Variants in DLC1 observed in about 807,000 individuals in gnomAD.
DLC1 encodes the protein rho GTPase-activating protein 7.
A neutral mutation model predicts 140.3 loss-of-function variants in DLC1; 54 were observed. The ratio of observed to expected loss-of-function variants is 0.38; its 90% CI spans 0.31 to 0.48. The LOEUF is 0.48. Among genes scored for constraint, DLC1 ranks in the 20% least tolerant of loss-of-function variants. The pLI is 0.96. For synonymous variants in DLC1, 986 were observed against 728.1 expected (o/e 1.35, Z -5.70); for missense variants, 2,536 against 1,907.0 (o/e 1.33, Z -6.14).
chr8:13,591,448 C>G (rs1007003728), intron 1 of DLC1, among the ~76,000 whole-genome samples: 12 of 152,082 alleles, frequency 7.9e-5, no homozygotes, highest in African/African-American at 2.7e-4. Flanking sequence ...CTCTCTCCTG[C>G]CACCTTGTGA....
intron 5 of DLC1, among the ~76,000 whole-genome samples, chr8:13,207,598 G>A (rs1827733036): frequency 6.6e-6 from 1 of 151,836 alleles, no homozygotes; most frequent in Non-Finnish European, 1.5e-5. Context: ...CTTAAAAATA[G>A]ACATTTTTTC....
chr8:13,366,107 T>C (rs1398583098), intron 4 of DLC1, among the ~76,000 whole-genome samples: 2 of 152,222 alleles, frequency 1.3e-5, no homozygotes, highest in Non-Finnish European at 2.9e-5. Context: ...CACAGAATTA[T>C]AGACTCGAAG....
intron 12 of DLC1, 144 bp downstream of exon 12, chr8:13,094,615 G>A (rs1029843666): frequency 1.8e-5 from 17 of 964,172 alleles, no homozygotes; most frequent in Middle Eastern, 4.5e-4. Flanking sequence ...GCAGTGAGCC[G>A]AGGTCACGCC....
intron 5 of DLC1, among the ~76,000 whole-genome samples, chr8:13,155,121 A>C (rs1585790647): frequency 1.4e-5 from 2 of 138,008 alleles, no homozygotes; most frequent in East Asian, 4.4e-4. Context: ...AACTTTCTAC[A>C]ACTTGCGCTG....
chr8:13,279,783 A>G (rs536524985), intron 5 of DLC1, among the ~76,000 whole-genome samples: 12 of 152,320 alleles, frequency 7.9e-5, no homozygotes, highest in African/African-American at 2.9e-4. Context: ...AATGATAGAC[A>G]CAGAAAAGGT....
chr8:13,429,924 C>A (rs1838779817), intron 2 of DLC1, among the ~76,000 whole-genome samples: 1 of 152,126 alleles, frequency 6.6e-6, no homozygotes, highest in African/African-American at 2.4e-5. Context: ...TTAAGTTATT[C>A]ATATCATATT....
chr8:13,568,035 T>C lies in DLC1; in HGVS notation c.-126+36502A>G, dbSNP rs1392470821. On this transcript the variant is annotated intron_variant, in intron 1 of 1. Transcript: ENST00000631382. ...GGGAAACTAACTTAAGACTTTACTA[T>C]GCTTCCTTCACAGATTTGAGGACTA... is the stretch of plus-strand genomic sequence containing the variant. 2.2e-6 allele frequency: 3 copies of C among 1,371,050 alleles called. No individual in the cohort carries two copies. The African/African-American group carries it at 4.4e-5, about 20-fold the overall frequency. The allele number at this position is 1,371,050 out of a possible 1,614,324, so 84.9% of individuals were successfully genotyped here.
intron 1 of DLC1, among the ~76,000 whole-genome samples, chr8:13,527,893 C>T (rs372678277): frequency 5.1e-4 from 77 of 152,222 alleles, no homozygotes; most frequent in Middle Eastern, 3.4e-3. Flanking sequence ...GGTCTCCTTG[C>T]TTTTGCCACT....
Position 13,100,756 on chromosome 8 carries a change from G to A in DLC1, c.1581C>T (p.Asp527=), listed in dbSNP as rs1819006458. ...CACTGATGGCACAAGGCTCATCCTC[G>A]TCTGAATCGTCACTCTGCAAAGACA... is the stretch of plus-strand genomic sequence containing the variant. The part of the protein sequence containing the change: ...SPHRKRSDDS[D]EDEPCAISGK... The change falls in exon 9 of 18, where the codon GAC becomes GAT. Residue 527 remains aspartate (D), a synonymous_variant. Coordinates refer to ENST00000276297, the MANE Select transcript of DLC1 (RefSeq NM_182643.3). 5.7e-6 allele frequency: 9 copies of A among 1,565,596 alleles called. No individual in the cohort carries two copies. Among genetic ancestry groups the A allele is most frequent in the Non-Finnish European group, 7.8e-6 (9 of 1,157,562 alleles).
chr8:13,204,339 T>C (rs1368192673), intron 5 of DLC1, among the ~76,000 whole-genome samples: 1 of 152,174 alleles, frequency 6.6e-6, no homozygotes, highest in Non-Finnish European at 1.5e-5. Context: ...ACAATGCTCA[T>C]TCACTTTCTG....
chr8:13,265,583 T>A (rs1563209192), intron 5 of DLC1, among the ~76,000 whole-genome samples: 1 of 152,128 alleles, frequency 6.6e-6, no homozygotes. Context: ...TTTTGATCCA[T>A]TTGTCATAGT....
rs1033523783 is a variant in DLC1, at chr8:13,312,347, C to T, written c.1315-7045G>A. On this transcript the variant is annotated intron_variant, in intron 4 of 17. Transcript: ENST00000276297. ...CTGCACTCCAGCCTGGGCGACAGAGCGAGACTCCGTCTCAAAAAAAAAAAA... is the reference window on the plus strand; with the variant it reads ...CTGCACTCCAGCCTGGGCGACAGAGTGAGACTCCGTCTCAAAAAAAAAAAA... Among the ~76,000 whole-genome samples the T allele has an allele frequency of 1.4e-4, 8 of 58,548 alleles. No homozygotes were observed. In the East Asian group the frequency reaches 4.6e-3, roughly 34 times the overall value. 38.4% of individuals were successfully genotyped at this position (58,548 alleles called of 152,430 possible). A position where few individuals can be genotyped will look rare whatever the true frequency, so the allele number is the denominator to read the frequency against.
chr8:13,286,887 A>C (rs1831552770), intron 5 of DLC1, among the ~76,000 whole-genome samples: 1 of 152,182 alleles, frequency 6.6e-6, no homozygotes, highest in South Asian at 2.1e-4. Flanking sequence ...ATGTGTTTGC[A>C]TGACTTGAAA....
intron 2 of DLC1, among the ~76,000 whole-genome samples, chr8:13,439,008 G>A (rs1839243183): frequency 6.6e-6 from 1 of 152,190 alleles, no homozygotes; most frequent in African/African-American, 2.4e-5. Flanking sequence ...AATTGTGCCT[G>A]TATTCCAATA....
intron 5 of DLC1, among the ~76,000 whole-genome samples, chr8:13,138,944 C>G (rs1413726174): frequency 6.6e-6 from 1 of 152,046 alleles, no homozygotes; most frequent in East Asian, 1.9e-4. Flanking sequence ...TTGAATAATG[C>G]AAGTTCAAAA....
At chr8:13,336,943 A>G (rs1204308161) in intron 4 of DLC1, among the ~76,000 whole-genome samples, 1 of 152,134 alleles carries the variant, frequency 6.6e-6, no homozygotes, top group African/African-American at 2.4e-5. Flanking sequence ...GAAGTAAATG[A>G]CTTACTAATA....
intron 5 of DLC1, among the ~76,000 whole-genome samples, chr8:13,140,489 T>C (rs555540611): frequency 6.6e-6 from 1 of 152,058 alleles, no homozygotes; most frequent in Non-Finnish European, 1.5e-5. Context: ...TGCCTCTGCC[T>C]TCCAAAGTGC....
At chr8:13,259,139 GAAAA>G (rs776038964) in intron 5 of DLC1, among the ~76,000 whole-genome samples, 3 of 66,644 alleles carry the variant, frequency 4.5e-5, no homozygotes, top group Non-Finnish European at 9.6e-5. Context: ...TCCGTCTCAA[GAAAA>G]AAAAAAAAAA....
At chr8:13,569,790 C>A (rs1208144991) in intron 1 of DLC1, among the ~76,000 whole-genome samples, 2 of 152,206 alleles carry the variant, frequency 1.3e-5, no homozygotes, top group African/African-American at 4.8e-5. Flanking sequence ...GGTGCAATTA[C>A]TGCTTACTGC....
Sources: gnomAD v4.1 joint callset for allele counts (sites outside exome capture counted in the v4.1 genomes callset) on GRCh38, gnomAD v4.1.1 for gene constraint, MANE v1.5 for transcripts, NCBI Gene and HGNC (gene_info 2026-07-23, HGNC 2026-07-21) for gene names.